EMILIN2: variants seen among roughly 807,000 people sequenced by gnomAD.
EMILIN2 encodes elastin microfibril interfacer 2.
Under a neutral mutation model 87.1 loss-of-function variants are expected in EMILIN2, and 71 were observed. The ratio of observed to expected loss-of-function variants is 0.82; its 90% CI spans 0.67 to 0.99. EMILIN2 has a LOEUF of 0.99. Ranked by LOEUF, EMILIN2 falls within the 50% of genes least tolerant of loss-of-function variation. The pLI is 0.00. For missense variants in EMILIN2, 1,407 were observed against 1,371.8 expected (o/e 1.03, Z -0.40); for synonymous variants, 581 against 563.4 (o/e 1.03, Z -0.44).
intron 5 of EMILIN2, 103 bp downstream of exon 5, chr18:2,907,188 CG>C (rs1023606457): frequency 6.0e-6 from 7 of 1,159,252 alleles, no homozygotes; most frequent in Non-Finnish European, 7.6e-6. Context: ...GTCCAGCCTT[CG>C]GGGGGGCAAG....
At chr18:2,888,113 C>G (rs1568472082) in intron 3 of EMILIN2, among the ~76,000 whole-genome samples, 1 of 152,194 alleles carries the variant, frequency 6.6e-6, no homozygotes, top group African/African-American at 2.4e-5. Flanking sequence ...TAATTTTTCA[C>G]TATTATAGAT....
Position 2,913,665 on chromosome 18 carries a change from G to T in EMILIN2, c.*261G>T. On this transcript the variant is annotated 3_prime_UTR_variant, in exon 8 of 8. Transcript: ENST00000254528. ...GGAAGACTTGGAAAGGCCTCCACCTGTATCTACACTCTGAGGGCCCTGGAC... is the reference window on the plus strand; with the variant it reads ...GGAAGACTTGGAAAGGCCTCCACCTTTATCTACACTCTGAGGGCCCTGGAC... 1 of 318,566 alleles carries T rather than the reference G, an allele frequency of 3.1e-6. No homozygotes were observed. 19.7% of individuals were successfully genotyped at this position (318,566 alleles called of 1,614,324 possible). A position where few individuals can be genotyped will look rare whatever the true frequency, so the allele number is the denominator to read the frequency against.
chr18:2,875,276 G>A (rs947616670), intron 2 of EMILIN2, among the ~76,000 whole-genome samples: 94 of 152,194 alleles, frequency 6.2e-4, no homozygotes, highest in African/African-American at 2.0e-3. Flanking sequence ...ACAAGTCCAC[G>A]GAGGGAGGGT....
chr18:2,909,407 C>G (rs986587817), intron 6 of EMILIN2, among the ~76,000 whole-genome samples: 5 of 152,216 alleles, frequency 3.3e-5, no homozygotes, highest in Non-Finnish European at 5.9e-5. Context: ...CACACACTCA[C>G]ACGCACATAC....
Position 2,909,825 on chromosome 18 carries a change from T to C in EMILIN2, c.2824+6T>C, listed in dbSNP as rs552127238. ...TGTTTACAACCCCAGCACCGGTGAG[T>C]GTTTGAACGGAACTGGTACTGTGTC... On this transcript the variant is annotated splice_donor_region_variant and intron_variant, in intron 7 of 7. Transcript: ENST00000254528. The C allele has an allele frequency of 6.2e-7, 1 of 1,612,790 alleles. No individual in the cohort carries two copies. The highest frequency in any genetic ancestry group is 8.5e-7 in the Non-Finnish European group (1 of 1,179,460).
At position 2,891,798 on chromosome 18, in the gene EMILIN2, C is replaced by T. The variant is rs143970365; in HGVS notation, c.1671C>T (p.Ile557=). Residue 557 remains isoleucine, a synonymous_variant, in exon 4 of 8, where the codon ATC becomes ATT. Transcript: ENST00000254528. The surrounding 1 kb of genome is among the most constrained non-coding windows in gnomAD (Gnocchi z 4.6). ...TTGAAGACATTTGCCTGCTGAACATCCAGGGAAAGCCTCATGGGATGGAAG... is the reference window on the plus strand; with the variant it reads ...TTGAAGACATTTGCCTGCTGAACATTCAGGGAAAGCCTCATGGGATGGAAG... ...QVVEDICLLN[I]QGKPHGMEGA... 17 of 1,614,042 alleles carry T rather than the reference C, an allele frequency of 1.1e-5. No homozygotes were observed. The African/African-American group carries it at 2.0e-4, about 19-fold the overall frequency.
chr18:2,862,458 G>T (rs560449744), intron 2 of EMILIN2, among the ~76,000 whole-genome samples: 16 of 152,236 alleles, frequency 1.1e-4, no homozygotes, highest in African/African-American at 3.9e-4. Flanking sequence ...GTTGAATTTT[G>T]TCAAAGGCCT....
chr18:2,873,699 T>TC (rs2076733526), intron 2 of EMILIN2, among the ~76,000 whole-genome samples: 1 of 150,938 alleles, frequency 6.6e-6, no homozygotes, highest in Non-Finnish European at 1.5e-5. Flanking sequence ...AGAGCAAGAC[T>TC]CCATCTCAAA....
chr18:2,909,613 A>T, intron 6 of EMILIN2, 78 bp from the exon 7 acceptor site: 3 of 1,554,976 alleles, frequency 1.9e-6, no homozygotes, highest in Non-Finnish European at 2.6e-6. Context: ...CCTGGCACGT[A>T]GGCCTCAGTT....
chr18:2,878,255 G>A (rs529252503), intron 2 of EMILIN2, among the ~76,000 whole-genome samples: 20 of 152,068 alleles, frequency 1.3e-4, no homozygotes, highest in East Asian at 5.8e-4. Flanking sequence ...TTTGGGAGGC[G>A]GAGGCCGGCA....
chr18:2,862,799 C>T (rs1310341704), intron 2 of EMILIN2, among the ~76,000 whole-genome samples: 1 of 152,114 alleles, frequency 6.6e-6, no homozygotes, highest in Admixed American at 6.5e-5. Context: ...AGGAATGGTA[C>T]CAGCTCCTCC....
chr18:2,892,857 A>T (rs2076845855), intron 4 of EMILIN2, among the ~76,000 whole-genome samples: 1 of 149,200 alleles, frequency 6.7e-6, no homozygotes. Flanking sequence ...TTCGAGATCA[A>T]CCTGGCCAAC....
At chr18:2,860,926 C>T (rs1036090984) in intron 2 of EMILIN2, among the ~76,000 whole-genome samples, 2 of 152,146 alleles carry the variant, frequency 1.3e-5, no homozygotes, top group African/African-American at 2.4e-5. Context: ...TAATGATTGC[C>T]GTTCTAACTG....
At chr18:2,871,556 G>A (rs2076719916) in intron 2 of EMILIN2, among the ~76,000 whole-genome samples, 1 of 152,232 alleles carries the variant, frequency 6.6e-6, no homozygotes, top group Middle Eastern at 3.2e-3. Flanking sequence ...TTGGGCCTGG[G>A]ACCGCAGTTC....
Position 2,913,613 on chromosome 18 carries a change from CT to C in EMILIN2, c.*213del. On this transcript the variant is annotated 3_prime_UTR_variant, in exon 8 of 8. Coordinates refer to ENST00000254528, the MANE Select transcript of EMILIN2 (RefSeq NM_032048.3). Reference sequence around the variant, plus strand: ...GGCACACGGTGAACATGGCCACTGACTTTTCTGCCACTCTAACTGGACAACT... The same window carrying C: ...GGCACACGGTGAACATGGCCACTGACTTTCTGCCACTCTAACTGGACAACT... The C allele has an allele frequency of 1.9e-6, 1 of 540,346 alleles. No individual in the cohort carries two copies. The highest frequency in any genetic ancestry group is 2.5e-5 in the South Asian group (1 of 39,218). 33.5% of individuals were successfully genotyped at this position (540,346 alleles called of 1,614,324 possible). A position where few individuals can be genotyped will look rare whatever the true frequency, so the allele number is the denominator to read the frequency against.
Position 2,913,452 on chromosome 18 carries a change from T to A in EMILIN2, c.*48T>A. ...GAAAGATAGATAGTTGTAAAAACTC[T>A]AAAGCTTTAATATATTCGGTTTGTA... On this transcript the variant is annotated 3_prime_UTR_variant, in exon 8 of 8. Transcript: ENST00000254528. The A allele has an allele frequency of 7.0e-7, 1 of 1,433,956 alleles. No homozygotes were observed. The highest frequency in any genetic ancestry group is 9.5e-7 in the Non-Finnish European group (1 of 1,056,674). The allele number at this position is 1,433,956 out of a possible 1,614,324, so 88.8% of individuals were successfully genotyped here. A position where few individuals can be genotyped will look rare whatever the true frequency, so the allele number is the denominator to read the frequency against.
intron 2 of EMILIN2, among the ~76,000 whole-genome samples, chr18:2,851,694 T>C (rs555633372): frequency 6.6e-6 from 1 of 152,306 alleles, no homozygotes; most frequent in Non-Finnish European, 1.5e-5. Context: ...TGAAAAGCCT[T>C]AGATTCCAGA....
At chr18:2,859,061 C>T (rs2076647392) in intron 2 of EMILIN2, among the ~76,000 whole-genome samples, 1 of 152,066 alleles carries the variant, frequency 6.6e-6, no homozygotes, top group Non-Finnish European at 1.5e-5. Context: ...ATAATGACTT[C>T]TTTGTCTCTG....
Position 2,847,218 on chromosome 18 carries a change from C to A in EMILIN2, c.30C>A (p.Arg10=). 1 of 1,246,648 alleles carries A rather than the reference C, an allele frequency of 8.0e-7. No individual in the cohort carries two copies. The highest frequency in any genetic ancestry group is 3.2e-4 in the Middle Eastern group (1 of 3,138). The allele number at this position is 1,246,648 out of a possible 1,614,324, so 77.2% of individuals were successfully genotyped here. MWQPRRPWP[R]VPWRWALALL... Reference sequence around the variant, plus strand: ...GGCAGCCCAGACGGCCCTGGCCCCGCGTGCCCTGGCGCTGGGCGCTGGCGC... The same window carrying A: ...GGCAGCCCAGACGGCCCTGGCCCCGAGTGCCCTGGCGCTGGGCGCTGGCGC... Residue 10 remains arginine, a synonymous_variant, in exon 1 of 8, where the codon CGC becomes CGA. Transcript: ENST00000254528. The surrounding 1 kb of genome is among the most constrained non-coding windows in gnomAD (Gnocchi z 4.5).
Sources: gnomAD v4.1 joint callset for allele counts (sites outside exome capture counted in the v4.1 genomes callset) on GRCh38, gnomAD v4.1.1 for gene constraint, Gnocchi (gnomAD v3.1) non-coding constraint, MANE v1.5 for transcripts, NCBI Gene and HGNC (gene_info 2026-07-23, HGNC 2026-07-21) for gene names.